TRIP11: variants seen among roughly 807,000 people sequenced by gnomAD.
TRIP11 encodes thyroid receptor-interacting protein 11.
In TRIP11, 148 loss-of-function variants were observed where a neutral mutation model predicts 223.1. That is an observed-to-expected ratio of 0.66 (90% CI 0.58 to 0.76). The LOEUF is 0.76. TRIP11 is among the 30% of genes least tolerant of loss of function. The pLI is 0.00. For missense variants in TRIP11, 2,043 were observed against 2,222.0 expected, an observed-to-expected ratio of 0.92 and a Z score of 1.62; for synonymous variants, 762 against 772.6, an observed-to-expected ratio of 0.99 and a Z score of 0.23.
intron 11 of TRIP11, among the ~76,000 whole-genome samples, chr14:92,000,504 T>G (rs995022545): frequency 6.6e-6 from 1 of 152,182 alleles, no homozygotes; most frequent in Non-Finnish European, 1.5e-5. Flanking sequence ...CATAACAATG[T>G]AAGATGTTAA....
In TRIP11 at chr14:92,004,052, T is replaced by C. The variant is rs772600713; in HGVS notation, c.3924A>G (p.Lys1308=). 1 of 1,614,116 alleles carries C rather than the reference T, an allele frequency of 6.2e-7. No individual in the cohort carries two copies. Among genetic ancestry groups the C allele is most frequent in the Admixed American group, 1.7e-5 (1 of 60,016 alleles). The change falls in exon 11 of 21, where the codon AAA becomes AAG. Residue 1308 remains lysine (K), a synonymous_variant. Coordinates refer to ENST00000267622, the MANE Select transcript of TRIP11 (RefSeq NM_004239.4). ...LCNTKDLLLG[K]LDIISPQLSS... is the part of the protein sequence containing the mutation. ...ACAGCTGGGGTGAAATAATATCAAGTTTTCCTAAAAGAAGATCCTTGGTAT... is the reference window on the plus strand; with the variant it reads ...ACAGCTGGGGTGAAATAATATCAAGCTTTCCTAAAAGAAGATCCTTGGTAT...
At position 92,003,451 on chromosome 14, in the gene TRIP11, C is replaced by G. The variant is rs1450664553; in HGVS notation, c.4525G>C (p.Ala1509Pro). The G allele has an allele frequency of 1.2e-6, 2 of 1,613,928 alleles. No homozygotes were observed. The highest frequency in any genetic ancestry group is 1.7e-6 in the Non-Finnish European group (2 of 1,180,006). ...TTCTCTTTCAATAGCTGTTCAAAAG[C>G]AAGAGCCTTCTCCTTCATTGAGTGG... ...ECHSMKEKALAFEQLLKEKEQ... is the reference protein window; with the variant it reads ...ECHSMKEKALPFEQLLKEKEQ... Residue 1509 changes from alanine to proline, a missense_variant, in exon 11 of 21, where the codon GCT becomes CCT. Ala to Pro is a conservative substitution (Grantham distance 27). Transcript: ENST00000267622.
At position 92,025,437 on chromosome 14, in the gene TRIP11, T is replaced by G. The variant is rs1336964140; in HGVS notation, c.202-17A>C. The G allele has an allele frequency of 1.3e-5, 21 of 1,586,642 alleles. No homozygotes were observed. The South Asian group carries it at 2.1e-4, about 16-fold the overall frequency. ...CCTTTCATTCTAGAAAAAAAAAGTA[T>G]TTTCAACAAAAAGACTGCAAGTAAA... On this transcript the variant is annotated splice_polypyrimidine_tract_variant and intron_variant, in intron 2 of 20. Transcript: ENST00000267622.
In TRIP11 at chr14:92,033,288, C is replaced by A. The variant is rs530654647; in HGVS notation, c.140-35G>T. The A allele has an allele frequency of 3.3e-6, 5 of 1,498,206 alleles. No homozygotes were observed. The Admixed American group carries it at 5.0e-5, about 15-fold the overall frequency. 92.8% of individuals were successfully genotyped at this position (1,498,206 alleles called of 1,614,324 possible). ...AAATAACAAATATTGAATATTTAAT[C>A]AATACCATATGAAGTAATAAATAGG... On this transcript the variant is annotated intron_variant, in intron 1 of 20. Transcript: ENST00000267622.
intron 20 of TRIP11, among the ~76,000 whole-genome samples, chr14:91,971,065 G>T (rs11852105): frequency 0.012 from 1,807 of 152,284 alleles, 43 homozygotes; most frequent in African/African-American, 0.041. Context: ...TTTCTATGAA[G>T]TTGGGCTAAT....
At chr14:92,000,864 C>CA (rs1555385747) in intron 11 of TRIP11, among the ~76,000 whole-genome samples, 1 of 141,652 alleles carries the variant, frequency 7.1e-6, no homozygotes, top group Non-Finnish European at 1.5e-5. Context: ...CTTTTTTTTT[C>CA]TTTTTTTTTT....
At chr14:92,026,581 G>A (rs2057190456) in intron 2 of TRIP11, 4 of 1,279,620 alleles carry the variant, frequency 3.1e-6, no homozygotes, top group Non-Finnish European at 4.5e-6. Flanking sequence ...AGACGCAGCC[G>A]TGGACACCAG....
chr14:91,973,291 G>A (rs767506083), intron 19 of TRIP11, among the ~76,000 whole-genome samples: 7 of 152,030 alleles, frequency 4.6e-5, no homozygotes, highest in East Asian at 1.9e-4. Context: ...CCCAAAGTGC[G>A]GGGATTACAG....
At chr14:91,994,261 T>G (rs1447086582) in intron 14 of TRIP11, among the ~76,000 whole-genome samples, 9 of 144,226 alleles carry the variant, frequency 6.2e-5, no homozygotes, top group African/African-American at 2.5e-4. Flanking sequence ...TCAAAAACTT[T>G]TTTTTTTTTT....
Position 91,968,650 on chromosome 14 carries a change from T to G in TRIP11, c.*1023A>C. ...AGATACCTTAGCTGTTAAAACTAAG[T>G]GATATATCTGCACTATATGCTCAAC... On this transcript the variant is annotated 3_prime_UTR_variant, in exon 21 of 21. Coordinates refer to ENST00000267622, the MANE Select transcript of TRIP11 (RefSeq NM_004239.4). The G allele has an allele frequency of 4.4e-6, 1 of 225,446 alleles. No individual in the cohort carries two copies. The highest frequency in any genetic ancestry group is 8.9e-6 in the Non-Finnish European group (1 of 112,516). The allele number at this position is 225,446 out of a possible 1,614,324, so 14.0% of individuals were successfully genotyped here.
chr14:92,025,508 T>TCCCCC lies in TRIP11; in HGVS notation c.202-89_202-88insGGGGG, dbSNP rs577391295. 6.6e-5 allele frequency: 55 copies of TCCCCC among 833,976 alleles called. 1 individual carries two copies. The African/African-American group carries it at 7.3e-4, about 11-fold the overall frequency. 51.7% of individuals were successfully genotyped at this position (833,976 alleles called of 1,614,324 possible). On this transcript the variant is annotated intron_variant, in intron 2 of 20. Transcript: ENST00000267622. Reference sequence around the variant, plus strand: ...ACAGCATTATGAAAAACGTACTGCTTTCCCCCCCCAAAAATGTCAAATATA... The same window carrying TCCCCC: ...ACAGCATTATGAAAAACGTACTGCTTCCCCCTCCCCCCCCAAAAATGTCAAATATA...
rs779640146 is a variant in TRIP11 at position 92,011,027 on chromosome 14, C to T, written c.1273G>A (p.Glu425Lys). The T allele has an allele frequency of 1.2e-5, 19 of 1,613,924 alleles. No homozygotes were observed. Among genetic ancestry groups the T allele is most frequent in the East Asian group, 8.9e-5 (4 of 44,848 alleles). ...EDNLKLKMRI[E>K]VLEKEKSLLS... ...AATGACTTCTCTTTTTCTAAAACTTCGATACGCATTTTAAGTTTCAGATTG... is the reference window on the plus strand; with the variant it reads ...AATGACTTCTCTTTTTCTAAAACTTTGATACGCATTTTAAGTTTCAGATTG... Residue 425 changes from glutamate (E) to lysine (K), a missense_variant, in exon 9 of 21, where the codon GAA becomes AAA. Transcript: ENST00000267622.
chr14:92,029,043 C>T (rs983643588), intron 2 of TRIP11, among the ~76,000 whole-genome samples: 1 of 151,966 alleles, frequency 6.6e-6, no homozygotes, highest in Admixed American at 6.6e-5. Flanking sequence ...CATAGGGTAC[C>T]GTGGATCTTT....
chr14:91,976,225 C>A, intron 16 of TRIP11, 36 bp from the exon 17 acceptor site: 2 of 1,565,268 alleles, frequency 1.3e-6, no homozygotes, highest in African/African-American at 2.7e-5. Context: ...TAGCCATTAA[C>A]TGATTAAAAT....
At chr14:92,035,530 G>GC (rs757507414) in intron 1 of TRIP11, among the ~76,000 whole-genome samples, 18 of 143,442 alleles carry the variant, frequency 1.3e-4, no homozygotes, top group Non-Finnish European at 2.1e-4. Context: ...TCGCTAATGA[G>GC]CTTTAAAAAA....
At chr14:91,981,420 C>T (rs1535104) in intron 16 of TRIP11, among the ~76,000 whole-genome samples, 45,146 of 151,796 alleles carry the variant, frequency 0.3, 6,880 homozygotes, top group Middle Eastern at 0.35. Context: ...GACAGAGTCT[C>T]GCTCTGTCAC....
At chr14:92,032,405 C>A (rs1194086105) in intron 2 of TRIP11, among the ~76,000 whole-genome samples, 2 of 152,182 alleles carry the variant, frequency 1.3e-5, no homozygotes, top group Non-Finnish European at 2.9e-5. Flanking sequence ...CCCACCTCGG[C>A]TTCCCAAAGT....
intron 15 of TRIP11, among the ~76,000 whole-genome samples, chr14:91,993,091 A>C (rs8006636): frequency 0.013 from 2,000 of 148,688 alleles, 31 homozygotes; most frequent in African/African-American, 0.046. Context: ...TTATTATACA[A>C]AAAAAAAAAG....
chr14:92,006,659 C>T (rs541506438), intron 10 of TRIP11, among the ~76,000 whole-genome samples: 6 of 152,038 alleles, frequency 3.9e-5, no homozygotes, highest in Non-Finnish European at 7.4e-5. Context: ...TTTTTTGAGA[C>T]GGAGTTTCGC....
Sources: allele counts gnomAD v4.1 joint callset (sites outside exome capture counted in the v4.1 genomes callset), GRCh38; gene constraint gnomAD v4.1.1; transcripts MANE v1.5; gene names NCBI Gene and HGNC (gene_info 2026-07-23, HGNC 2026-07-21).